ST8SIA1: variants seen among roughly 807,000 people sequenced by gnomAD.
The protein encoded by ST8SIA1 is alpha-N-acetylneuraminide alpha-2,8-sialyltransferase.
A neutral mutation model predicts 35.9 loss-of-function variants in ST8SIA1; 16 were observed. That is an observed-to-expected ratio of 0.45 (90% confidence interval 0.30 to 0.68). ST8SIA1 has a LOEUF of 0.68. ST8SIA1 is among the 30% of genes least tolerant of loss of function. ST8SIA1 has a pLI of 0.09. For synonymous variants in ST8SIA1, 170 were observed against 169.6 expected (o/e 1.00, Z -0.02); for missense variants, 383 against 453.6 (o/e 0.84, Z 1.41).
At chr12:22,276,468 G>T (rs1483880863) in intron 2 of ST8SIA1, among the ~76,000 whole-genome samples, 1 of 152,198 alleles carries the variant, frequency 6.6e-6, no homozygotes, top group Non-Finnish European at 1.5e-5. Flanking sequence ...GCCATGGGCA[G>T]CTTCTCCACA....
chr12:22,222,471 C>T (rs1025002379), intron 4 of ST8SIA1, among the ~76,000 whole-genome samples: 3 of 152,040 alleles, frequency 2.0e-5, no homozygotes, highest in Admixed American at 1.3e-4. Flanking sequence ...AGAGAAAAGA[C>T]ATTGAAGAAG....
intron 4 of ST8SIA1, among the ~76,000 whole-genome samples, chr12:22,233,805 T>C: frequency 6.6e-6 from 1 of 152,198 alleles, no homozygotes; most frequent in East Asian, 1.9e-4. Context: ...CCTCTCAGCG[T>C]ATCAGTTCTA....
At chr12:22,202,369 T>C (rs977699887) in intron 4 of ST8SIA1, among the ~76,000 whole-genome samples, 6 of 152,162 alleles carry the variant, frequency 3.9e-5, no homozygotes, top group African/African-American at 1.4e-4. Flanking sequence ...TTCCTGAAGG[T>C]TGTTGGCTGG....
At chr12:22,228,693 G>C (rs1206563557) in intron 4 of ST8SIA1, among the ~76,000 whole-genome samples, 1 of 152,194 alleles carries the variant, frequency 6.6e-6, no homozygotes, top group East Asian at 1.9e-4. Flanking sequence ...CCTGGAGAGT[G>C]ACAAGTGATA....
chr12:22,324,522 C>T (rs1866648721), intron 1 of ST8SIA1: 1 of 152,056 alleles, frequency 6.6e-6, no homozygotes. Flanking sequence ...ACTGCATATA[C>T]TATTACTAGA....
intron 1 of ST8SIA1, among the ~76,000 whole-genome samples, chr12:22,292,727 A>G (rs1010186805): frequency 5.9e-5 from 9 of 152,172 alleles, no homozygotes; most frequent in Admixed American, 5.2e-4. Flanking sequence ...TGAGAACAAT[A>G]CACATTGGGG....
intron 4 of ST8SIA1, among the ~76,000 whole-genome samples, chr12:22,229,681 G>A (rs1865396013): frequency 6.6e-6 from 1 of 151,638 alleles, no homozygotes; most frequent in Non-Finnish European, 1.5e-5. Context: ...GAAAGATGGT[G>A]CCAATAACTG....
chr12:22,292,823 C>A (rs1171040786), intron 1 of ST8SIA1, among the ~76,000 whole-genome samples: 1 of 152,154 alleles, frequency 6.6e-6, no homozygotes, highest in Non-Finnish European at 1.5e-5. Flanking sequence ...ATAATTGAAT[C>A]ATTTGTACCC....
intron 1 of ST8SIA1, among the ~76,000 whole-genome samples, chr12:22,307,322 C>G (rs1055984015): frequency 6.6e-6 from 1 of 152,166 alleles, no homozygotes; most frequent in African/African-American, 2.4e-5. Context: ...AGTCTTTTCT[C>G]TTGGCCTAGT....
chr12:22,285,877 C>CAAACAAAAAAAAAAAAACA lies in ST8SIA1; in HGVS notation c.381+1271_381+1272insTGTTTTTTTTTTTTTGTTT, dbSNP rs1481110959. 1.2e-3 allele frequency among the ~76,000 whole-genome samples: 129 copies of CAAACAAAAAAAAAAAAACA among 103,634 alleles called. 1 individual carries two copies. Among genetic ancestry groups the CAAACAAAAAAAAAAAAACA allele is most frequent in the African/African-American group, 4.8e-3 (129 of 26,878 alleles). 68.0% of individuals were successfully genotyped at this position (103,634 alleles called of 152,430 possible). A position where few individuals can be genotyped will look rare whatever the true frequency, so the allele number is the denominator to read the frequency against. ...AGAGTAAGTAAGACTCTGTCAAAAA[C>CAAACAAAAAAAAAAAAACA]AAAAAAAAAAAAAAAAAAAGGACAT... On this transcript the variant is annotated intron_variant, in intron 2 of 4. Transcript: ENST00000396037.
intron 4 of ST8SIA1, among the ~76,000 whole-genome samples, chr12:22,215,762 A>G (rs1314861651): frequency 6.6e-6 from 1 of 152,224 alleles, no homozygotes; most frequent in African/African-American, 2.4e-5. Flanking sequence ...GTTGGTCACT[A>G]AGTTCCATTT....
At chr12:22,314,738 T>C (rs1254599930) in intron 1 of ST8SIA1, among the ~76,000 whole-genome samples, 1 of 152,192 alleles carries the variant, frequency 6.6e-6, no homozygotes, top group Non-Finnish European at 1.5e-5. Context: ...GTTTGTACTC[T>C]AGACTGGGCT....
chr12:22,312,392 G>A (rs1866460677), intron 1 of ST8SIA1, among the ~76,000 whole-genome samples: 1 of 152,158 alleles, frequency 6.6e-6, no homozygotes, highest in Admixed American at 6.6e-5. Context: ...TTAAAATTCA[G>A]TATTCAAACA....
At chr12:22,313,513 G>A (rs150019474) in intron 1 of ST8SIA1, among the ~76,000 whole-genome samples, 3 of 152,140 alleles carry the variant, frequency 2.0e-5, no homozygotes, top group Non-Finnish European at 2.9e-5. Flanking sequence ...AGAAGCAAGA[G>A]GATTCTAGCC....
At chr12:22,229,544 C>T (rs7307161) in intron 4 of ST8SIA1, among the ~76,000 whole-genome samples, 7,375 of 144,360 alleles carry the variant, frequency 0.051, 373 homozygotes, top group South Asian at 0.18. Context: ...TGAGCCCAGG[C>T]GGTCGAGTCT....
intron 1 of ST8SIA1, among the ~76,000 whole-genome samples, chr12:22,300,336 G>A (rs1866303147): frequency 6.6e-6 from 1 of 152,140 alleles, no homozygotes; most frequent in Non-Finnish European, 1.5e-5. Flanking sequence ...TATTGCAGAA[G>A]AGGTGGGTAT....
At position 22,302,801 on chromosome 12, in the gene ST8SIA1, T is replaced by G. The variant is rs918818315; in HGVS notation, c.237-15508A>C. 2.0e-5 allele frequency among the ~76,000 whole-genome samples: 3 copies of G among 152,232 alleles called. No individual in the cohort carries two copies. In the South Asian group the frequency reaches 6.2e-4, roughly 32 times the overall value. ...CTCCCCTCACTGAGATAAATGCATG[T>G]CTGATTGACACCCTTGGAAAGGCTA... On this transcript the variant is annotated intron_variant, in intron 1 of 4. Transcript: ENST00000396037.
intron 4 of ST8SIA1, among the ~76,000 whole-genome samples, chr12:22,245,170 C>A (rs531801251): frequency 1.3e-5 from 2 of 152,312 alleles, no homozygotes; most frequent in Non-Finnish European, 2.9e-5. Flanking sequence ...CACATGCATG[C>A]ATCATTAGGA....
intron 2 of ST8SIA1, among the ~76,000 whole-genome samples, chr12:22,264,096 T>G (rs115500979): frequency 1.3e-5 from 2 of 152,156 alleles, no homozygotes; most frequent in African/African-American, 4.8e-5. Context: ...TCCACACACA[T>G]AATTTAATTT....
Sources: gnomAD v4.1 joint callset for allele counts (sites outside exome capture counted in the v4.1 genomes callset) on GRCh38, gnomAD v4.1.1 for gene constraint, MANE v1.5 for transcripts, NCBI Gene and HGNC (gene_info 2026-07-23, HGNC 2026-07-21) for gene names.